The following PTPRK variants were observed in gnomAD, a reference collection of about 807,000 sequenced individuals.
PTPRK encodes receptor-type tyrosine-protein phosphatase kappa.
In PTPRK, 75 loss-of-function variants were observed where a neutral mutation model predicts 178.0. The ratio of observed to expected loss-of-function variants is 0.42; its 90% confidence interval spans 0.35 to 0.51. The LOEUF (loss-of-function observed/expected upper bound fraction) is 0.51, where lower values mean the gene tolerates loss of function less well. Ranked by LOEUF, PTPRK falls within the 20% of genes least tolerant of loss-of-function variation. PTPRK has a pLI of 0.02. For synonymous variants in PTPRK, 637 were observed against 620.6 expected, an observed-to-expected ratio of 1.03 and a Z score of -0.39; for missense variants, 1,441 against 1,797.8, an observed-to-expected ratio of 0.80 and a Z score of 3.59.
At chr6:128,330,849 G>GAAAAAC (rs5879887) in intron 2 of PTPRK, among the ~76,000 whole-genome samples, 12 of 148,362 alleles carry the variant, frequency 8.1e-5, no homozygotes, top group African/African-American at 2.5e-4. Flanking sequence ...CTTTTTTTCT[G>GAAAAAC]AAAAACAAAA....
intron 7 of PTPRK, among the ~76,000 whole-genome samples, chr6:128,104,888 G>A (rs116042341): frequency 6.6e-6 from 1 of 152,274 alleles, no homozygotes; most frequent in African/African-American, 2.4e-5. Flanking sequence ...AGAGGAAAAG[G>A]TCATTGTGAA....
chr6:128,232,297 G>A (rs907218458), intron 5 of PTPRK: 4 of 152,224 alleles, frequency 2.6e-5, no homozygotes, highest in Non-Finnish European at 4.4e-5. Flanking sequence ...TCCAGTCCGC[G>A]TTGCTCACGC....
intron 1 of PTPRK, among the ~76,000 whole-genome samples, chr6:128,398,613 T>C (rs1164062148): frequency 6.6e-6 from 1 of 152,214 alleles, no homozygotes; most frequent in East Asian, 1.9e-4. Flanking sequence ...TTAAAAGAAC[T>C]CTTTGAAATC....
chr6:128,196,241 T>C (rs1485404053), intron 6 of PTPRK, among the ~76,000 whole-genome samples: 1 of 152,020 alleles, frequency 6.6e-6, no homozygotes, highest in African/African-American at 2.4e-5. Context: ...TCTGAAAAAA[T>C]ATTTTAATCA....
intron 1 of PTPRK, among the ~76,000 whole-genome samples, chr6:128,474,297 G>C (rs1054216068): frequency 1.3e-5 from 2 of 151,758 alleles, no homozygotes; most frequent in Non-Finnish European, 2.9e-5. Context: ...ATAGATGAAG[G>C]GTTCTCATAT....
At chr6:128,075,034 CTCTGCTACCACT>C (rs1783535459) in intron 11 of PTPRK, among the ~76,000 whole-genome samples, 1 of 151,888 alleles carries the variant, frequency 6.6e-6, no homozygotes, top group South Asian at 2.1e-4. Context: ...TGTCTTTTTG[CTCTGCTACCACT>C]TCAAATATAA....
chr6:127,986,643 C>T (rs1188777983), intron 21 of PTPRK, among the ~76,000 whole-genome samples: 3 of 151,528 alleles, frequency 2.0e-5, no homozygotes, highest in East Asian at 1.9e-4. Context: ...GAAATATTGC[C>T]GAATTTATTT....
intron 7 of PTPRK, among the ~76,000 whole-genome samples, chr6:128,137,911 A>G (rs535118681): frequency 1.4e-4 from 22 of 152,258 alleles, no homozygotes; most frequent in African/African-American, 3.6e-4. Flanking sequence ...AAATAAATAA[A>G]TGAAGCTCAC....
At chr6:128,188,850 T>G (rs1803219642) in intron 6 of PTPRK, among the ~76,000 whole-genome samples, 1 of 152,222 alleles carries the variant, frequency 6.6e-6, no homozygotes. Context: ...TCTCCTCTCC[T>G]GTCTGTAGTC....
At chr6:128,430,163 T>A (rs1844646177) in intron 1 of PTPRK, among the ~76,000 whole-genome samples, 1 of 151,914 alleles carries the variant, frequency 6.6e-6, no homozygotes, top group South Asian at 2.1e-4. Flanking sequence ...AGCAATGAGT[T>A]AAGAAAGAAA....
intron 1 of PTPRK, among the ~76,000 whole-genome samples, chr6:128,425,465 C>T (rs1844021171): frequency 6.6e-6 from 1 of 152,126 alleles, no homozygotes; most frequent in Non-Finnish European, 1.5e-5. Flanking sequence ...CCTTTGCATC[C>T]TAATAGCTTA....
intron 13 of PTPRK, among the ~76,000 whole-genome samples, chr6:128,046,662 T>C (rs191652340): frequency 5.7e-4 from 87 of 152,334 alleles, no homozygotes; most frequent in Admixed American, 2.4e-3. Context: ...TTTCAGGCCC[T>C]GAAGCCCATT....
intron 7 of PTPRK, among the ~76,000 whole-genome samples, chr6:128,097,520 A>G (rs1176326409): frequency 2.0e-5 from 3 of 152,204 alleles, no homozygotes; most frequent in Admixed American, 2.0e-4. Flanking sequence ...TTTTACCAAT[A>G]GATAGATAAA....
intron 7 of PTPRK, among the ~76,000 whole-genome samples, chr6:128,163,120 G>A (rs867454135): frequency 2.7e-4 from 40 of 150,792 alleles, no homozygotes; most frequent in Middle Eastern, 3.4e-3. Context: ...GAGATGTTTC[G>A]ACTGGTTTTG....
intron 1 of PTPRK, among the ~76,000 whole-genome samples, chr6:128,513,493 A>AAAAAAAAGAAAGAAAGAAAGAAAG (rs796327188): frequency 6.7e-6 from 1 of 150,244 alleles, no homozygotes; most frequent in African/African-American, 2.5e-5. Context: ...CAAAAAAAAA[A>AAAAAAAAGAAAGAAAGAAAGAAAG]AAAGAAAGAA....
intron 7 of PTPRK, among the ~76,000 whole-genome samples, chr6:128,174,403 C>T (rs544052375): frequency 6.6e-6 from 1 of 151,944 alleles, no homozygotes; most frequent in Non-Finnish European, 1.5e-5. Context: ...AATAAGTGAG[C>T]ATCAGAGGAT....
rs78436219 is a variant in PTPRK, at chr6:128,106,225, T to C, written c.1163-16233A>G. Among the ~76,000 whole-genome samples the C allele has an allele frequency of 1.6e-3, 238 of 152,314 alleles. 2 individuals carry two copies. Among genetic ancestry groups the C allele is most frequent in the Non-Finnish European group, 2.2e-3 (150 of 68,006 alleles). ...AATAAAATGTAGTTATTAACTTTAT[T>C]GTAGTTGTATATTAGTGGTCCACTA... On this transcript the variant is annotated intron_variant, in intron 7 of 29. Coordinates refer to ENST00000368226, the MANE Select transcript of PTPRK (RefSeq NM_002844.4).
chr6:128,135,078 T>TCACTCACACACACA (rs1554309215), intron 7 of PTPRK, among the ~76,000 whole-genome samples: 1 of 136,276 alleles, frequency 7.3e-6, no homozygotes, highest in African/African-American at 2.8e-5. Flanking sequence ...AATCATTCAA[T>TCACTCACACACACA]CACACACACA....
In PTPRK at chr6:128,322,306, G is replaced by A. The variant is rs539908406; in HGVS notation, c.228C>T (p.Ser76=). The A allele has an allele frequency of 3.8e-6, 6 of 1,569,588 alleles. No homozygotes were observed. The highest frequency in any genetic ancestry group is 1.7e-5 in the Admixed American group (1 of 59,408). ...HYLPPEMPQG[S]YMIVDSSDHD... ...GATCTGAAGAGTCCACTATCATATA[G>A]GAACCTGAAATGACATTACAAATAA... is the stretch of plus-strand genomic sequence containing the variant. The change falls in exon 3 of 30, where the codon TCC becomes TCT. Residue 76 remains serine, a synonymous_variant. Transcript: ENST00000368226.
Sources: allele counts gnomAD v4.1 joint callset (sites outside exome capture counted in the v4.1 genomes callset), GRCh38; gene constraint gnomAD v4.1.1; transcripts MANE v1.5; gene names NCBI Gene and HGNC (gene_info 2026-07-23, HGNC 2026-07-21).